The following CFAP90 variants were observed in gnomAD, a reference collection of about 807,000 sequenced individuals.
The protein encoded by CFAP90 is cilia- and flagella-associated protein 90.
At chr5:7,848,499 A>G in the CFAP90 span, among the ~76,000 whole-genome samples, 1 of 152,214 alleles carries the variant, frequency 6.6e-6, no homozygotes, top group Admixed American at 6.5e-5. Flanking sequence ...TCACTGTCTC[A>G]CAGTACTGGC....
chr5:7,850,667 GC>G, the CFAP90 span, among the ~76,000 whole-genome samples: 1 of 98,234 alleles, frequency 1.0e-5, no homozygotes, highest in Non-Finnish European at 2.0e-5. Context: ...CCGCCCCCAG[GC>G]CCCTTTCCCT....
At chr5:7,845,560 G>GCT in the CFAP90 span, among the ~76,000 whole-genome samples, 1 of 152,332 alleles carries the variant, frequency 6.6e-6, no homozygotes, top group South Asian at 2.1e-4. Flanking sequence ...TTTAAATGCA[G>GCT]CTCTTAGACT....
chr5:7,830,672 A>T, the CFAP90 span: 1 of 152,240 alleles, frequency 6.6e-6, no homozygotes, highest in South Asian at 2.1e-4. Flanking sequence ...TTATTTTTAG[A>T]GAATCCTTTT....
chr5:7,836,918 T>G, the CFAP90 span, among the ~76,000 whole-genome samples: 1 of 152,128 alleles, frequency 6.6e-6, no homozygotes, highest in African/African-American at 2.4e-5. Flanking sequence ...AACTTGAGCC[T>G]TCTTCTTGAG....
At chr5:7,848,062 A>G in the CFAP90 span, among the ~76,000 whole-genome samples, 2 of 152,224 alleles carry the variant, frequency 1.3e-5, no homozygotes, top group Non-Finnish European at 2.9e-5. Context: ...CATTACTGCT[A>G]TGCATTAATC....
At chr5:7,841,280 A>G in the CFAP90 span, among the ~76,000 whole-genome samples, 2 of 152,250 alleles carry the variant, frequency 1.3e-5, no homozygotes, top group African/African-American at 4.8e-5. Flanking sequence ...ACGATGAGAT[A>G]CCATCTCATT....
At chr5:7,850,940 AGGCGGACTGCGCCGAGACGGGC>A in the CFAP90 span, 1 of 1,351,054 alleles carries the variant, frequency 7.4e-7, no homozygotes, top group Non-Finnish European at 9.5e-7. Flanking sequence ...ATGTAGCTGA[AGGCGGACTGCGCCGAGACGGGC>A]GGCGGCCTGG....
At chr5:7,833,302 TA>T in the CFAP90 span, among the ~76,000 whole-genome samples, 1 of 150,900 alleles carries the variant, frequency 6.6e-6, no homozygotes, top group Non-Finnish European at 1.5e-5. Context: ...TGTACACACA[TA>T]TGTACACACA....
chr5:7,850,160 C>G, the CFAP90 span, among the ~76,000 whole-genome samples: 5 of 152,258 alleles, frequency 3.3e-5, no homozygotes, highest in South Asian at 1.0e-3. Context: ...ATCCTCGTCC[C>G]AGGGGTTCAG....
At chr5:7,840,319 A>G in the CFAP90 span, among the ~76,000 whole-genome samples, 2 of 152,194 alleles carry the variant, frequency 1.3e-5, no homozygotes, top group African/African-American at 4.8e-5. Context: ...CGGCCTGGGC[A>G]GATGCTGTGG....
At chr5:7,848,947 G>A in the CFAP90 span, among the ~76,000 whole-genome samples, 2 of 152,076 alleles carry the variant, frequency 1.3e-5, no homozygotes, top group African/African-American at 2.4e-5. Context: ...ATAAATTACC[G>A]AGTCTTGGGT....
chr5:7,850,974 C>A, the CFAP90 span: 2 of 1,314,742 alleles, frequency 1.5e-6, no homozygotes, highest in Non-Finnish European at 1.9e-6. Context: ...GCGGCCTGGG[C>A]TTGCCCCGCA....
At chr5:7,834,109 A>T in the CFAP90 span, among the ~76,000 whole-genome samples, 1 of 152,184 alleles carries the variant, frequency 6.6e-6, no homozygotes, top group African/African-American at 2.4e-5. Flanking sequence ...CAGGTTCTTT[A>T]GGAGGTATTC....
chr5:7,832,926 G>C, the CFAP90 span, among the ~76,000 whole-genome samples: 2 of 152,224 alleles, frequency 1.3e-5, no homozygotes, highest in African/African-American at 4.8e-5. Flanking sequence ...CACATGTGCT[G>C]GTTATGGTGG....
the CFAP90 span, among the ~76,000 whole-genome samples, chr5:7,843,489 T>C: frequency 6.6e-6 from 1 of 152,310 alleles, no homozygotes; most frequent in South Asian, 2.1e-4. Flanking sequence ...GTCAAGATAA[T>C]TCCTCCCTCT....
At chr5:7,832,236 G>C in the CFAP90 span, among the ~76,000 whole-genome samples, 1 of 152,130 alleles carries the variant, frequency 6.6e-6, no homozygotes, top group Admixed American at 6.5e-5. Flanking sequence ...AAGGCTGGCT[G>C]GTGTATTCAT....
chr5:7,847,784 T>C, the CFAP90 span, among the ~76,000 whole-genome samples: 1 of 152,150 alleles, frequency 6.6e-6, no homozygotes, highest in South Asian at 2.1e-4. Context: ...AGACGTTAAT[T>C]AGACTGGTAA....
At chr5:7,835,619 T>C in the CFAP90 span, 2 of 624,106 alleles carry the variant, frequency 3.2e-6, no homozygotes, top group Non-Finnish European at 5.6e-6. Context: ...GGTGAGTATG[T>C]GGTAGGAAAG....
the CFAP90 span, among the ~76,000 whole-genome samples, chr5:7,839,391 T>G: frequency 1.3e-5 from 2 of 152,192 alleles, no homozygotes; most frequent in African/African-American, 4.8e-5. Context: ...TTCTGCACAG[T>G]GCTTTTAATC....
Sources: gnomAD v4.1 joint callset for allele counts (sites outside exome capture counted in the v4.1 genomes callset) on GRCh38, gnomAD v4.1.1 for gene constraint, MANE v1.5 for transcripts, NCBI Gene and HGNC (gene_info 2026-07-23, HGNC 2026-07-21) for gene names.